The following ADGRL2 variants were observed in gnomAD, a reference collection of about 807,000 sequenced individuals.
ADGRL2 encodes the protein adhesion G protein-coupled receptor L2.
ADGRL2 carries 44 observed loss-of-function variants against 157.4 expected under a neutral mutation model. The observed-to-expected ratio is 0.28, with a 90% CI of 0.22 to 0.36. The LOEUF (loss-of-function observed/expected upper bound fraction) is 0.36, where lower values mean the gene tolerates loss of function less well. Among genes scored for constraint, ADGRL2 ranks in the 10% least tolerant of loss-of-function variants. The pLI, the probability that ADGRL2 is intolerant of heterozygous loss-of-function variation, is 1.00. For synonymous variants in ADGRL2, 585 were observed against 624.7 expected, an observed-to-expected ratio of 0.94 and a Z score of 0.95; for missense variants, 1,510 against 1,768.9, an observed-to-expected ratio of 0.85 and a Z score of 2.63.
chr1:81,619,525 AC>A (rs1297315462), intron 3 of ADGRL2, among the ~76,000 whole-genome samples: 1 of 122,296 alleles, frequency 8.2e-6, no homozygotes. Context: ...CTGCTCCCTA[AC>A]CCCACTGGAA....
intron 3 of ADGRL2, among the ~76,000 whole-genome samples, chr1:81,617,942 C>A (rs2081698079): frequency 6.6e-6 from 1 of 152,182 alleles, no homozygotes; most frequent in Non-Finnish European, 1.5e-5. Context: ...AGGAGCAACA[C>A]CCCAGGGCAT....
Position 81,559,023 on chromosome 1 carries a change from C to T in ADGRL2, c.-247-21853C>T, listed in dbSNP as rs530135746. ...ACTAGTTTGGTGTTCTGGTTGTGTG[C>T]TTTCTCTTATTCCTATAATCTTCAC... On this transcript the variant is annotated intron_variant, in intron 2 of 24. Transcript: ENST00000370721. 3.9e-5 allele frequency among the ~76,000 whole-genome samples: 6 copies of T among 152,234 alleles called. No individual in the cohort carries two copies. In the South Asian group the frequency reaches 1.2e-3, roughly 32 times the overall value.
intron 3 of ADGRL2, among the ~76,000 whole-genome samples, chr1:81,617,550 T>A (rs1348268983): frequency 6.6e-6 from 1 of 152,232 alleles, no homozygotes; most frequent in African/African-American, 2.4e-5. Context: ...TCTTAGTTTT[T>A]CATTTCCTGT....
At chr1:81,672,447 C>A (rs1257260100) in intron 3 of ADGRL2, among the ~76,000 whole-genome samples, 1 of 152,162 alleles carries the variant, frequency 6.6e-6, no homozygotes, top group Admixed American at 6.5e-5. Flanking sequence ...GCTAAAAAAG[C>A]ACTTGGCATA....
At chr1:81,331,361 G>T (rs1053841854) in intron 1 of ADGRL2, among the ~76,000 whole-genome samples, 1 of 152,020 alleles carries the variant, frequency 6.6e-6, no homozygotes, top group Non-Finnish European at 1.5e-5. Flanking sequence ...GATAAGTTTT[G>T]ACCCTTTGGG....
intron 1 of ADGRL2, among the ~76,000 whole-genome samples, chr1:81,421,260 T>C (rs1379020778): frequency 6.6e-6 from 1 of 152,230 alleles, no homozygotes; most frequent in Non-Finnish European, 1.5e-5. Flanking sequence ...TACAATTTGC[T>C]GGGTTTGTTT....
chr1:81,882,381 A>T (rs560418051), intron 2 of ADGRL2, among the ~76,000 whole-genome samples: 30 of 152,196 alleles, frequency 2.0e-4, no homozygotes, highest in Non-Finnish European at 2.1e-4. Context: ...AATTAATTTT[A>T]TCTTAAAAAC....
chr1:81,537,579 C>T (rs1039214395), intron 2 of ADGRL2, among the ~76,000 whole-genome samples: 4 of 152,128 alleles, frequency 2.6e-5, no homozygotes, highest in African/African-American at 9.7e-5. Context: ...AGCCACCACG[C>T]CTGCCCAGCA....
At chr1:81,624,338 T>C (rs1205749581) in intron 3 of ADGRL2, among the ~76,000 whole-genome samples, 2 of 152,016 alleles carry the variant, frequency 1.3e-5, no homozygotes, top group Non-Finnish European at 2.9e-5. Context: ...CCCAGCACAT[T>C]GGGAGGCCGA....
At chr1:81,949,195 G>A (rs1366835698) in intron 6 of ADGRL2, among the ~76,000 whole-genome samples, 1 of 152,142 alleles carries the variant, frequency 6.6e-6, no homozygotes, top group African/African-American at 2.4e-5. Context: ...ATCTGTAAAT[G>A]TTGATACAAC....
chr1:81,335,773 C>G (rs916608141), intron 1 of ADGRL2, among the ~76,000 whole-genome samples: 1 of 151,396 alleles, frequency 6.6e-6, no homozygotes, highest in Non-Finnish European at 1.5e-5. Flanking sequence ...TTATTCTACA[C>G]GTATTAAATC....
chr1:81,850,050 T>C (rs1396731715), intron 2 of ADGRL2, among the ~76,000 whole-genome samples: 2 of 152,020 alleles, frequency 1.3e-5, no homozygotes, highest in East Asian at 3.9e-4. Flanking sequence ...CCTGCCGAAA[T>C]ACTCCTCCCC....
chr1:81,430,804 G>A (rs1032537711), intron 1 of ADGRL2, among the ~76,000 whole-genome samples: 1 of 152,086 alleles, frequency 6.6e-6, no homozygotes, highest in African/African-American at 2.4e-5. Flanking sequence ...GGCTTAAGAC[G>A]TGCAGAAAGT....
chr1:81,713,964 A>G (rs895033613), intron 1 of ADGRL2, among the ~76,000 whole-genome samples: 3 of 152,216 alleles, frequency 2.0e-5, no homozygotes, highest in Admixed American at 2.0e-4. Flanking sequence ...AGGCCTCACA[A>G]TCATGGCAGA....
chr1:81,868,060 G>GGTGTGT (rs145794673), intron 2 of ADGRL2, among the ~76,000 whole-genome samples: 8,857 of 145,594 alleles, frequency 0.061, 410 homozygotes, highest in African/African-American at 0.12. Flanking sequence ...GTGTGTGTGT[G>GGTGTGT]GTGTGTGTGT....
At chr1:81,870,359 T>A (rs762838611) in intron 2 of ADGRL2, among the ~76,000 whole-genome samples, 1 of 152,012 alleles carries the variant, frequency 6.6e-6, no homozygotes, top group African/African-American at 2.4e-5. Flanking sequence ...AAATCAAAAC[T>A]AAATATTCCT....
At chr1:81,983,758 C>T (rs1420769329) in intron 19 of ADGRL2, among the ~76,000 whole-genome samples, 1 of 151,976 alleles carries the variant, frequency 6.6e-6, no homozygotes. Context: ...TTAGATGGGG[C>T]CCTATTATTT....
chr1:81,756,244 G>C (rs550261566), intron 1 of ADGRL2, among the ~76,000 whole-genome samples: 1 of 152,156 alleles, frequency 6.6e-6, no homozygotes, highest in Admixed American at 6.5e-5. Context: ...ATAAAACTAA[G>C]ACCATTTCAA....
chr1:81,728,143 T>C (rs2084600662), intron 1 of ADGRL2, among the ~76,000 whole-genome samples: 1 of 152,208 alleles, frequency 6.6e-6, no homozygotes, highest in South Asian at 2.1e-4. Flanking sequence ...AGATGGTATC[T>C]CATTATGGCT....
Sources: gnomAD v4.1 joint callset for allele counts (sites outside exome capture counted in the v4.1 genomes callset) on GRCh38, gnomAD v4.1.1 for gene constraint, MANE v1.5 for transcripts, NCBI Gene and HGNC (gene_info 2026-07-23, HGNC 2026-07-21) for gene names.